MRPS9: variants seen among roughly 807,000 people sequenced by gnomAD.
The protein encoded by MRPS9 is mitochondrial ribosomal protein S9, also known as small ribosomal subunit protein uS9m.
Under a neutral mutation model 59.9 loss-of-function variants are expected in MRPS9, and 45 were observed. That is an observed-to-expected ratio of 0.75 (90% confidence interval 0.59 to 0.96). The LOEUF (loss-of-function observed/expected upper bound fraction) is 0.96. MRPS9 is among the 40% of genes least tolerant of loss of function. The pLI is 0.00. For missense variants in MRPS9, 473 were observed against 481.1 expected (o/e 0.98, Z 0.16); for synonymous variants, 171 against 166.8 (o/e 1.03, Z -0.19).
intron 4 of MRPS9, among the ~76,000 whole-genome samples, chr2:105,078,506 A>G (rs1019324262): frequency 8.5e-5 from 13 of 152,170 alleles, no homozygotes; most frequent in South Asian, 2.1e-4. Context: ...TAAGAAAAGA[A>G]AAATATTAGA....
At chr2:105,050,121 G>A (rs1679682433) in intron 2 of MRPS9, among the ~76,000 whole-genome samples, 1 of 151,568 alleles carries the variant, frequency 6.6e-6, no homozygotes. Context: ...TATTCAACCA[G>A]AAGGATTTTT....
intron 9 of MRPS9, among the ~76,000 whole-genome samples, chr2:105,096,742 T>G (rs1345562214): frequency 6.6e-6 from 1 of 150,944 alleles, no homozygotes; most frequent in Non-Finnish European, 1.5e-5. Flanking sequence ...ATTTAGTGAA[T>G]CCAAATGACA....
chr2:105,067,081 A>G (rs550487138), intron 2 of MRPS9, among the ~76,000 whole-genome samples: 22 of 152,186 alleles, frequency 1.4e-4, no homozygotes, highest in Non-Finnish European at 3.1e-4. Flanking sequence ...AAAACTGCAC[A>G]TTATAAACTT....
intron 4 of MRPS9, 28 bp downstream of exon 4, chr2:105,071,517 A>G (rs1428950190): frequency 2.7e-5 from 43 of 1,596,860 alleles, no homozygotes; most frequent in Non-Finnish European, 3.6e-5. Context: ...TGAGAGAAAC[A>G]GTTTTTTCTT....
At chr2:105,043,596 C>CT (rs1284761161) in intron 1 of MRPS9, among the ~76,000 whole-genome samples, 3 of 152,008 alleles carry the variant, frequency 2.0e-5, no homozygotes, top group Non-Finnish European at 2.9e-5. Context: ...GCTTTCCTTT[C>CT]TTTTTTCTTT....
chr2:105,053,034 GA>G (rs1226857635), intron 2 of MRPS9, among the ~76,000 whole-genome samples: 1 of 152,190 alleles, frequency 6.6e-6, no homozygotes, highest in African/African-American at 2.4e-5. Context: ...AGTGCTGGGA[GA>G]TTAAAGGCAT....
intron 2 of MRPS9, among the ~76,000 whole-genome samples, chr2:105,059,103 A>G (rs1468745530): frequency 4.1e-5 from 6 of 146,648 alleles, no homozygotes; most frequent in Admixed American, 2.1e-4. Context: ...CCAACCAACC[A>G]TTGAACCTAA....
intron 4 of MRPS9, among the ~76,000 whole-genome samples, chr2:105,074,717 A>T (rs1443756388): frequency 1.3e-5 from 2 of 152,200 alleles, no homozygotes; most frequent in African/African-American, 4.8e-5. Context: ...TGGCACACAC[A>T]CATATGTATG....
chr2:105,060,587 G>C (rs1014577190), intron 2 of MRPS9, among the ~76,000 whole-genome samples: 1 of 152,026 alleles, frequency 6.6e-6, no homozygotes, highest in Non-Finnish European at 1.5e-5. Flanking sequence ...GGCCGCTATT[G>C]TGTGTTTTGG....
chr2:105,071,256 T>A, intron 2 of MRPS9, 57 bp from the exon 3 acceptor site: 1 of 1,403,954 alleles, frequency 7.1e-7, no homozygotes, highest in Non-Finnish European at 1.0e-6. Context: ...TCTATAACTA[T>A]TAGTTCTAAC....
intron 1 of MRPS9, 145 bp downstream of exon 1, chr2:105,038,372 G>A (rs3739159): frequency 1.9e-6 from 2 of 1,074,882 alleles, no homozygotes; most frequent in African/African-American, 1.6e-5. Flanking sequence ...AGGTTGGGGG[G>A]GAGGAGGTGG....
intron 5 of MRPS9, among the ~76,000 whole-genome samples, chr2:105,085,829 A>G (rs1680434281): frequency 6.6e-6 from 1 of 152,178 alleles, no homozygotes; most frequent in Non-Finnish European, 1.5e-5. Flanking sequence ...GAGTCATACT[A>G]ATTCTCTAGT....
intron 1 of MRPS9, among the ~76,000 whole-genome samples, chr2:105,042,240 G>C (rs1346348494): frequency 6.6e-6 from 1 of 152,224 alleles, no homozygotes; most frequent in Non-Finnish European, 1.5e-5. Flanking sequence ...TCCACTGTGG[G>C]TGGGGAGAGT....
intron 7 of MRPS9, among the ~76,000 whole-genome samples, chr2:105,090,563 C>T (rs1350009713): frequency 1.3e-5 from 2 of 152,158 alleles, no homozygotes; most frequent in East Asian, 1.9e-4. Flanking sequence ...AGGGAGTTAC[C>T]GAGGAATCTT....
At chr2:105,061,340 TGTG>T (rs78119921) in intron 2 of MRPS9, among the ~76,000 whole-genome samples, 33,417 of 151,716 alleles carry the variant, frequency 0.22, 3,716 homozygotes, top group Middle Eastern at 0.35. Flanking sequence ...CATTGGGCCT[TGTG>T]GGGTGGGAAG....
chr2:105,071,411 T>G (rs759483964), intron 3 of MRPS9, 36 bp downstream of exon 3: 1 of 1,589,232 alleles, frequency 6.3e-7, no homozygotes, highest in South Asian at 1.1e-5. Context: ...AAATTTCACT[T>G]TTATATGTTA....
intron 7 of MRPS9, chr2:105,091,243 A>G: frequency 4.3e-6 from 2 of 469,712 alleles, no homozygotes; most frequent in South Asian, 3.1e-5. Context: ...TATCAAGATG[A>G]GGGATGTGGA....
At chr2:105,051,567 C>T (rs1038263729) in intron 2 of MRPS9, among the ~76,000 whole-genome samples, 1 of 152,158 alleles carries the variant, frequency 6.6e-6, no homozygotes, top group Non-Finnish European at 1.5e-5. Flanking sequence ...TTGTCAGTTC[C>T]TGCAAGGAGC....
At chr2:105,079,829 GCTAAA>G (rs1201790639) in intron 4 of MRPS9, among the ~76,000 whole-genome samples, 149 bp from the exon 5 acceptor site, 2 of 152,044 alleles carry the variant, frequency 1.3e-5, no homozygotes, top group East Asian at 1.9e-4. Context: ...ATATAAATAT[GCTAAA>G]CTAAATATTA....
Sources: allele counts gnomAD v4.1 joint callset (sites outside exome capture counted in the v4.1 genomes callset), GRCh38; gene constraint gnomAD v4.1.1; transcripts MANE v1.5; gene names NCBI Gene and HGNC (gene_info 2026-07-23, HGNC 2026-07-21).